The following GRM1 variants were observed in gnomAD, a reference collection of about 807,000 sequenced individuals.
The protein encoded by GRM1 is metabotropic glutamate receptor 1.
A neutral mutation model predicts 90.9 loss-of-function variants in GRM1; 33 were observed. That is an observed-to-expected ratio of 0.36 (90% CI 0.28 to 0.49). The LOEUF (loss-of-function observed/expected upper bound fraction) is 0.49, where lower values mean the gene tolerates loss of function less well. Ranked by LOEUF, GRM1 falls within the 20% of genes least tolerant of loss-of-function variation. The pLI is 0.99. For synonymous variants in GRM1, 700 were observed against 613.2 expected (o/e 1.14, Z -2.09); for missense variants, 1,190 against 1,534.3 (o/e 0.78, Z 3.75).
At chr6:146,066,541 G>C in intron 1 of GRM1, among the ~76,000 whole-genome samples, 1 of 152,134 alleles carries the variant, frequency 6.6e-6, no homozygotes, top group Middle Eastern at 3.4e-3. Context: ...CTTTTTGGTC[G>C]AACAGTTTAT....
rs141520969 is a variant in GRM1, at chr6:146,421,850, C to T, written c.2661-12022C>T. ...AATTTCCATTTACAGAGAGCCTACA[C>T]ACATACCCAGAGCTCCATTCTCCAT... On this transcript the variant is annotated intron_variant, in intron 7 of 7. Coordinates refer to ENST00000282753, the MANE Select transcript of GRM1 (RefSeq NM_001278064.2). Among the ~76,000 whole-genome samples the T allele has an allele frequency of 8.5e-4, 129 of 152,218 alleles. 1 individual carries two copies. Among genetic ancestry groups the T allele is most frequent in the Non-Finnish European group, 1.3e-3 (90 of 67,986 alleles).
chr6:146,422,838 T>C (rs1193265460), intron 7 of GRM1, among the ~76,000 whole-genome samples: 1 of 151,720 alleles, frequency 6.6e-6, no homozygotes, highest in African/African-American at 2.4e-5. Context: ...ACAATGGAAA[T>C]ATATGGGTAA....
Position 146,350,951 on chromosome 6 carries a change from G to T in GRM1, c.1187-1299G>T, listed in dbSNP as rs113775941. 4.2e-4 allele frequency among the ~76,000 whole-genome samples: 64 copies of T among 152,180 alleles called. 1 individual carries two copies. Among genetic ancestry groups the T allele is most frequent in the African/African-American group, 1.2e-3 (51 of 41,504 alleles). ...TGGGTATTTTATATGTCACTCTCAG[G>T]GTAGATATAAGGATATCCTTTTCAA... On this transcript the variant is annotated intron_variant, in intron 3 of 7. Transcript: ENST00000282753.
chr6:146,062,988 CTA>C (rs1416904760), intron 1 of GRM1, among the ~76,000 whole-genome samples: 1 of 152,052 alleles, frequency 6.6e-6, no homozygotes, highest in Non-Finnish European at 1.5e-5. Flanking sequence ...TCCTTGCAGG[CTA>C]TTTTTTCTTT....
At chr6:146,305,341 G>C (rs1288450253) in intron 3 of GRM1, among the ~76,000 whole-genome samples, 2 of 152,076 alleles carry the variant, frequency 1.3e-5, no homozygotes, top group Admixed American at 1.3e-4. Context: ...TCAGAACAAT[G>C]GTTCACAGCT....
chr6:146,282,586 C>CA (rs1583270963), intron 2 of GRM1, among the ~76,000 whole-genome samples: 1 of 151,692 alleles, frequency 6.6e-6, no homozygotes, highest in East Asian at 1.9e-4. Flanking sequence ...AAAATTAGTA[C>CA]AAAAAATTAC....
In GRM1 at chr6:146,398,839, A is replaced by G. The variant is rs1455302854; in HGVS notation, c.1800A>G (p.Ser600=). ...NIESIIAIAF[S]CLGILVTLFV... is the part of the protein sequence containing the mutation. ...AATCCATTATAGCCATCGCCTTTTC[A>G]TGCCTGGGAATCCTTGTTACCTTGT... is the stretch of plus-strand genomic sequence containing the variant. The change falls in exon 7 of 8, where the codon TCA becomes TCG. Residue 600 remains serine (S), a synonymous_variant. Transcript: ENST00000282753. 9 of 1,613,782 alleles carry G rather than the reference A, an allele frequency of 5.6e-6. No homozygotes were observed. The East Asian group carries it at 1.6e-4, about 28-fold the overall frequency.
intron 2 of GRM1, among the ~76,000 whole-genome samples, chr6:146,235,740 G>C (rs937574406): frequency 3.3e-5 from 5 of 150,030 alleles, no homozygotes; most frequent in Admixed American, 6.7e-5. Context: ...GTGTGTGTGT[G>C]TGTGTTTCGG....
At chr6:146,338,896 CTG>C (rs1464200601) in intron 3 of GRM1, among the ~76,000 whole-genome samples, 1 of 152,174 alleles carries the variant, frequency 6.6e-6, no homozygotes, top group Non-Finnish European at 1.5e-5. Context: ...CTTCTCTACT[CTG>C]TGTCTTATTC....
chr6:146,252,707 C>A (rs1215692454), intron 2 of GRM1, among the ~76,000 whole-genome samples: 1 of 152,162 alleles, frequency 6.6e-6, no homozygotes, highest in Non-Finnish European at 1.5e-5. Context: ...GTTGAAAAAA[C>A]ATGTGCAAAA....
chr6:146,301,060 T>G (rs1271056260), intron 2 of GRM1, among the ~76,000 whole-genome samples: 3 of 152,226 alleles, frequency 2.0e-5, no homozygotes, highest in Non-Finnish European at 1.5e-5. Context: ...TAGTGACTTT[T>G]TTTCATGATA....
At chr6:146,031,159 C>T (rs1790693049) in intron 1 of GRM1, among the ~76,000 whole-genome samples, 1 of 152,130 alleles carries the variant, frequency 6.6e-6, no homozygotes, top group African/African-American at 2.4e-5. Flanking sequence ...TCTAGACTCT[C>T]TTCACCTTAG....
chr6:146,236,876 T>C (rs191900561), intron 2 of GRM1, among the ~76,000 whole-genome samples: 1 of 152,190 alleles, frequency 6.6e-6, no homozygotes, highest in East Asian at 1.9e-4. Context: ...CCCAGTCAAG[T>C]GTGGTGGCAT....
intron 2 of GRM1, among the ~76,000 whole-genome samples, chr6:146,170,429 C>T (rs1355791556): frequency 6.6e-6 from 1 of 152,098 alleles, no homozygotes; most frequent in Non-Finnish European, 1.5e-5. Context: ...AGGTATCTCA[C>T]ATTTCTCTGA....
chr6:146,127,486 C>T (rs1188167801), intron 1 of GRM1, among the ~76,000 whole-genome samples: 1 of 152,164 alleles, frequency 6.6e-6, no homozygotes, highest in African/African-American at 2.4e-5. Flanking sequence ...TTGTTCATGG[C>T]TGGTGCTCAC....
chr6:146,409,286 T>TCAC (rs1777474229), intron 7 of GRM1, among the ~76,000 whole-genome samples: 1 of 152,212 alleles, frequency 6.6e-6, no homozygotes, highest in South Asian at 2.1e-4. Context: ...CACATGTTAT[T>TCAC]ATAGGTCCAG....
chr6:146,399,831 A>G lies in GRM1; in HGVS notation c.2660+132A>G, dbSNP rs1279100834. ...CTGAGTTGTCTCTTCCATTTCCCCCATGTCTTTCTCTTCCTTTCTTAATCT... is the reference window on the plus strand; with the variant it reads ...CTGAGTTGTCTCTTCCATTTCCCCCGTGTCTTTCTCTTCCTTTCTTAATCT... On this transcript the variant is annotated intron_variant, in intron 7 of 7. Transcript: ENST00000282753. This position sits in a 1 kb window ranked among gnomAD's most constrained non-coding sequence, Gnocchi z 5.4. 1.5e-6 allele frequency: 1 copy of G among 684,910 alleles called. No individual in the cohort carries two copies. The highest frequency in any genetic ancestry group is 1.8e-5 in the African/African-American group (1 of 55,310). 42.4% of individuals were successfully genotyped at this position (684,910 alleles called of 1,614,324 possible).
At chr6:146,215,090 C>T (rs1043165943) in intron 2 of GRM1, among the ~76,000 whole-genome samples, 3 of 152,180 alleles carry the variant, frequency 2.0e-5, no homozygotes, top group Non-Finnish European at 4.4e-5. Flanking sequence ...CTGCAATGCT[C>T]AAAGTTTGTC....
At chr6:146,145,949 G>A (rs748772917) in intron 1 of GRM1, among the ~76,000 whole-genome samples, 2 of 152,010 alleles carry the variant, frequency 1.3e-5, no homozygotes, top group African/African-American at 2.4e-5. Flanking sequence ...AAGGACACTG[G>A]ACATATAGTT....
Sources: allele counts gnomAD v4.1 joint callset (sites outside exome capture counted in the v4.1 genomes callset), GRCh38; gene constraint gnomAD v4.1.1; non-coding constraint Gnocchi (gnomAD v3.1); transcripts MANE v1.5; gene names NCBI Gene and HGNC (gene_info 2026-07-23, HGNC 2026-07-21).